The following PDE6A variants were observed in gnomAD, a reference collection of about 807,000 sequenced individuals.
PDE6A encodes the protein phosphodiesterase 6A, also known as rod cGMP-specific 3',5'-cyclic phosphodiesterase subunit alpha.
PDE6A carries 84 observed loss-of-function variants against 106.3 expected under a neutral mutation model. The ratio of observed to expected loss-of-function variants is 0.79; its 90% CI spans 0.66 to 0.95. PDE6A has a LOEUF of 0.95. Ranked by LOEUF, PDE6A falls within the 40% of genes least tolerant of loss-of-function variation. PDE6A has a pLI of 0.00. For missense variants in PDE6A, 1,052 were observed against 1,084.9 expected (o/e 0.97, Z 0.43); for synonymous variants, 394 against 386.6 (o/e 1.02, Z -0.23).
intron 6 of PDE6A, among the ~76,000 whole-genome samples, chr5:149,911,458 C>T (rs1753383525): frequency 6.6e-6 from 1 of 152,106 alleles, no homozygotes; most frequent in Non-Finnish European, 1.5e-5. Flanking sequence ...TCAAATAAAG[C>T]CATTTGAGAT....
intron 13 of PDE6A, among the ~76,000 whole-genome samples, chr5:149,888,495 TTAA>T (rs1752405932): frequency 6.8e-6 from 1 of 148,112 alleles, no homozygotes; most frequent in Admixed American, 6.8e-5. Context: ...TTATAATATA[TTAA>T]TAACTAATAA....
At chr5:149,917,531 G>T (rs1753592144) in intron 5 of PDE6A, among the ~76,000 whole-genome samples, 1 of 152,256 alleles carries the variant, frequency 6.6e-6, no homozygotes, top group African/African-American at 2.4e-5. Context: ...GCCTAGCATT[G>T]GCGGCAGCTG....
chr5:149,896,663 T>C, intron 11 of PDE6A, 48 bp downstream of exon 11: 1 of 1,614,030 alleles, frequency 6.2e-7, no homozygotes. Context: ...TCAGGAGCAC[T>C]TTGCACTTGT....
chr5:149,923,917 G>T lies in PDE6A; in HGVS notation c.859-2208C>A, dbSNP rs541648842. Among the ~76,000 whole-genome samples the T allele has an allele frequency of 3.3e-5, 5 of 152,260 alleles. No individual in the cohort carries two copies. In the South Asian group the frequency reaches 1.0e-3, roughly 32 times the overall value. ...CTCTCATTTGAACATGTTTGTCATGGTCTGCTTATTCTAATATCATCCAGA... is the reference window on the plus strand; with the variant it reads ...CTCTCATTTGAACATGTTTGTCATGTTCTGCTTATTCTAATATCATCCAGA... On this transcript the variant is annotated intron_variant, in intron 4 of 21. Transcript: ENST00000255266.
chr5:149,904,618 AC>A (rs559212333), intron 7 of PDE6A, among the ~76,000 whole-genome samples: 4 of 152,100 alleles, frequency 2.6e-5, no homozygotes, highest in Admixed American at 6.6e-5. Context: ...TCAAAAAGGC[AC>A]CACCTGGGCT....
rs1752878101 is a variant in PDE6A at position 149,899,357 on chromosome 5, C to A, written c.1263+18G>T. On this transcript the variant is annotated intron_variant, in intron 9 of 21. Coordinates refer to ENST00000255266, the MANE Select transcript of PDE6A (RefSeq NM_000440.3). The stretch of plus-strand genomic sequence containing the variant: ...GACTCTGAATCCCAACAGCAAAAGG[C>A]CTCCTAGCAAGCCATACCTCCATGA... 5 of 1,613,564 alleles carry A rather than the reference C, an allele frequency of 3.1e-6. No individual in the cohort carries two copies. Among genetic ancestry groups the A allele is most frequent in the Non-Finnish European group, 4.2e-6 (5 of 1,179,746 alleles).
At chr5:149,924,155 G>A (rs1246655836) in intron 4 of PDE6A, among the ~76,000 whole-genome samples, 1 of 152,206 alleles carries the variant, frequency 6.6e-6, no homozygotes, top group Non-Finnish European at 1.5e-5. Flanking sequence ...ATAAGGCACA[G>A]TTTGTATCCT....
intron 9 of PDE6A, 83 bp from the exon 10 acceptor site, chr5:149,898,589 G>A (rs1752846444): frequency 4.9e-6 from 7 of 1,418,110 alleles, no homozygotes; most frequent in Non-Finnish European, 6.8e-6. Flanking sequence ...GAGTCTCTAG[G>A]CCTCTGTTTT....
intron 8 of PDE6A, among the ~76,000 whole-genome samples, chr5:149,902,393 G>T (rs1195597313): frequency 6.6e-6 from 1 of 151,748 alleles, no homozygotes; most frequent in Non-Finnish European, 1.5e-5. Context: ...CTTTCCCCAT[G>T]CAATCATGAG....
At chr5:149,923,827 C>T (rs922350122) in intron 4 of PDE6A, among the ~76,000 whole-genome samples, 3 of 152,162 alleles carry the variant, frequency 2.0e-5, no homozygotes, top group Non-Finnish European at 4.4e-5. Context: ...TGTTACTATA[C>T]AGGGACAAAC....
intron 4 of PDE6A, among the ~76,000 whole-genome samples, chr5:149,924,232 G>A (rs1753812355): frequency 6.6e-6 from 1 of 152,070 alleles, no homozygotes; most frequent in East Asian, 1.9e-4. Flanking sequence ...AACCAAAACA[G>A]TGCTGGAAGG....
chr5:149,896,884 G>C (rs1752775369), intron 10 of PDE6A, 108 bp from the exon 11 acceptor site: 3 of 1,193,910 alleles, frequency 2.5e-6, no homozygotes, highest in Middle Eastern at 1.9e-4. Flanking sequence ...AGAACCACCA[G>C]CTCAAAGAGG....
intron 17 of PDE6A, among the ~76,000 whole-genome samples, chr5:149,878,629 C>A (rs1760824107): frequency 3.3e-5 from 5 of 152,178 alleles, no homozygotes; most frequent in Admixed American, 2.6e-4. Flanking sequence ...GTTTACACTC[C>A]CGCATGGGGA....
rs774005137 is a variant in PDE6A at position 149,944,519 on chromosome 5, G to A, written c.155C>T (p.Pro52Leu). 8.7e-6 allele frequency: 14 copies of A among 1,614,118 alleles called. No individual in the cohort carries two copies. The highest frequency in any genetic ancestry group is 4.0e-5 in the African/African-American group (3 of 75,020). Reference sequence around the variant, plus strand: ...GATTTCGCTCTCCTCCATGCTGCTCGGGGAGTGGTAGTTGCTGAAGTCCAC... The same window carrying A: ...GATTTCGCTCTCCTCCATGCTGCTCAGGGAGTGGTAGTTGCTGAAGTCCAC... ...AAVDFSNYHS[P>L]SSMEESEIIF... The change falls in exon 1 of 22, where the codon CCG becomes CTG. Residue 52 changes from proline to leucine, a missense_variant. Around this residue, in one of 3 missense-constraint regions of PDE6A, gnomAD observed 913 missense variants for 915.2 expected, o/e 1.00. Transcript: ENST00000255266.
chr5:149,907,051 C>A (rs1192460848), intron 7 of PDE6A, among the ~76,000 whole-genome samples: 6 of 152,312 alleles, frequency 3.9e-5, no homozygotes, highest in South Asian at 2.1e-4. Flanking sequence ...GGATTATAGG[C>A]GTGAGCCACT....
intron 1 of PDE6A, among the ~76,000 whole-genome samples, chr5:149,936,117 G>T (rs1754173024): frequency 6.7e-6 from 1 of 148,812 alleles, no homozygotes; most frequent in African/African-American, 2.6e-5. Context: ...TTGTACCATT[G>T]CACTTTACCC....
intron 4 of PDE6A, among the ~76,000 whole-genome samples, chr5:149,924,614 G>A (rs1238713828): frequency 6.6e-6 from 1 of 152,140 alleles, no homozygotes; most frequent in Non-Finnish European, 1.5e-5. Context: ...TTCTGTTCAT[G>A]ATGACTCGTT....
At position 149,860,776 on chromosome 5, in the gene PDE6A, C is replaced by CT. The variant is rs1358663255; in HGVS notation, c.*118dup. 4 of 830,232 alleles carry CT rather than the reference C, an allele frequency of 4.8e-6. No individual in the cohort carries two copies. The Admixed American group carries it at 8.7e-5, about 18-fold the overall frequency. The allele number at this position is 830,232 out of a possible 1,614,324, so 51.4% of individuals were successfully genotyped here. ...TGAACAGTCCTGGAAGCTAAATTCT[C>CT]TAACAGCTTTCAAATCCTATGACTC... On this transcript the variant is annotated 3_prime_UTR_variant, in exon 22 of 22. Coordinates refer to ENST00000255266, the MANE Select transcript of PDE6A (RefSeq NM_000440.3).
intron 12 of PDE6A, among the ~76,000 whole-genome samples, chr5:149,895,705 T>C (rs181424821): frequency 2.6e-5 from 4 of 152,138 alleles, no homozygotes; most frequent in African/African-American, 9.6e-5. Context: ...TGAGACTCAC[T>C]TGGAGGACTT....
Sources: gnomAD v4.1 joint callset for allele counts (sites outside exome capture counted in the v4.1 genomes callset) on GRCh38, gnomAD v4.1.1 for gene constraint, gnomAD v4.1.1 regional missense constraint, MANE v1.5 for transcripts, NCBI Gene and HGNC (gene_info 2026-07-23, HGNC 2026-07-21) for gene names.